Variants in PITPNC1 observed in about 807,000 individuals in gnomAD.
PITPNC1 encodes phosphatidylinositol transfer protein cytoplasmic 1, also known as cytoplasmic phosphatidylinositol transfer protein 1.
In PITPNC1, 18 loss-of-function variants were observed where a neutral mutation model predicts 44.7. That is an observed-to-expected ratio of 0.40 (90% CI 0.28 to 0.60). The LOEUF (loss-of-function observed/expected upper bound fraction) is 0.60, where lower values mean the gene tolerates loss of function less well. Among genes scored for constraint, PITPNC1 ranks in the 20% least tolerant of loss-of-function variants. PITPNC1 has a pLI of 0.39. For synonymous variants in PITPNC1, 141 were observed against 149.6 expected (o/e 0.94, Z 0.42); for missense variants, 290 against 418.4 (o/e 0.69, Z 2.68).
intron 1 of PITPNC1, among the ~76,000 whole-genome samples, chr17:67,447,089 C>CA (rs749024248): frequency 0.013 from 461 of 35,298 alleles, 75 homozygotes; most frequent in East Asian, 0.049. Context: ...GACTCTGTCT[C>CA]AAAAAAAAAA....
At chr17:67,443,505 AC>A (rs1381848685) in intron 1 of PITPNC1, among the ~76,000 whole-genome samples, 1 of 151,908 alleles carries the variant, frequency 6.6e-6, no homozygotes. Flanking sequence ...GAGGCGAGCA[AC>A]CGGGGCTTTT....
At chr17:67,425,193 G>GCGCGCGCGCGCACACACA (rs1160522771) in intron 1 of PITPNC1, among the ~76,000 whole-genome samples, 29 of 52,114 alleles carry the variant, frequency 5.6e-4, no homozygotes, top group East Asian at 2.8e-3. Context: ...TTGTGCGCGC[G>GCGCGCGCGCGCACACACA]CACGCACACG....
intron 1 of PITPNC1, among the ~76,000 whole-genome samples, chr17:67,433,888 C>T (rs1336847038): frequency 1.3e-5 from 2 of 151,800 alleles, no homozygotes; most frequent in Non-Finnish European, 2.9e-5. Flanking sequence ...GGTGACATAG[C>T]GAGACTCTGT....
chr17:67,521,620 A>G (rs1401474996), intron 1 of PITPNC1, among the ~76,000 whole-genome samples: 1 of 151,924 alleles, frequency 6.6e-6, no homozygotes, highest in Non-Finnish European at 1.5e-5. Context: ...AAATCTACAC[A>G]TTGAATCACA....
At chr17:67,495,505 A>C (rs1301023103) in intron 1 of PITPNC1, among the ~76,000 whole-genome samples, 1 of 152,072 alleles carries the variant, frequency 6.6e-6, no homozygotes, top group Non-Finnish European at 1.5e-5. Context: ...TAGCCAGTAG[A>C]TACGTTTTCT....
chr17:67,570,884 A>G (rs1424193853), intron 4 of PITPNC1, among the ~76,000 whole-genome samples: 1 of 151,802 alleles, frequency 6.6e-6, no homozygotes, highest in Non-Finnish European at 1.5e-5. Context: ...GACATCAGTT[A>G]CTAGTAAATA....
chr17:67,574,768 C>A (rs759753604), intron 4 of PITPNC1, among the ~76,000 whole-genome samples: 14 of 152,052 alleles, frequency 9.2e-5, no homozygotes, highest in Non-Finnish European at 2.1e-4. Flanking sequence ...ACTCTGAGAA[C>A]GAGTCATCAG....
At chr17:67,608,099 A>C (rs2041632948) in intron 5 of PITPNC1, among the ~76,000 whole-genome samples, 1 of 152,186 alleles carries the variant, frequency 6.6e-6, no homozygotes, top group South Asian at 2.1e-4. Context: ...ACCATCGTGC[A>C]GTGCTTAGGT....
intron 1 of PITPNC1, among the ~76,000 whole-genome samples, chr17:67,398,564 T>TG (rs1299310935): frequency 6.6e-6 from 1 of 152,148 alleles, no homozygotes; most frequent in Non-Finnish European, 1.5e-5. Flanking sequence ...CTGCAGGAGT[T>TG]GCAGTTTTTG....
intron 1 of PITPNC1, among the ~76,000 whole-genome samples, chr17:67,425,534 T>C (rs2038751971): frequency 6.6e-6 from 1 of 150,450 alleles, no homozygotes; most frequent in Non-Finnish European, 1.5e-5. Context: ...CTTTCTTTTT[T>C]TTTTAGAGAC....
At position 67,599,363 on chromosome 17, in the gene PITPNC1, C is replaced by A. The variant is rs531898171; in HGVS notation, c.366+21106C>A. 7.7e-4 allele frequency among the ~76,000 whole-genome samples: 117 copies of A among 151,986 alleles called. No individual in the cohort carries two copies. The Middle Eastern group carries it at 0.01, about 13-fold the overall frequency. On this transcript the variant is annotated intron_variant, in intron 5 of 8. Coordinates refer to ENST00000581322, the MANE Select transcript of PITPNC1 (RefSeq NM_012417.4). ...GACCTAGAGATACAGATTTGGAAGT[C>A]ATAAACGTAGTTTTGAAAGCATGAG...
intron 1 of PITPNC1, among the ~76,000 whole-genome samples, chr17:67,468,714 T>C (rs2039466916): frequency 6.7e-6 from 1 of 148,520 alleles, no homozygotes; most frequent in African/African-American, 2.5e-5. Flanking sequence ...CTTTTTTTTT[T>C]GAGACGGAGT....
At chr17:67,440,278 C>T (rs185194240) in intron 1 of PITPNC1, among the ~76,000 whole-genome samples, 37 of 152,204 alleles carry the variant, frequency 2.4e-4, no homozygotes, top group Admixed American at 8.5e-4. Context: ...CACTGGCAAA[C>T]GCAACCTCAC....
chr17:67,492,316 A>G (rs1725231267), intron 1 of PITPNC1, among the ~76,000 whole-genome samples: 1 of 152,238 alleles, frequency 6.6e-6, no homozygotes, highest in Non-Finnish European at 1.5e-5. Flanking sequence ...CCTAAATCCA[A>G]TGACAAGTGT....
At chr17:67,682,326 G>A (rs2042725230) in intron 8 of PITPNC1, among the ~76,000 whole-genome samples, 1 of 152,206 alleles carries the variant, frequency 6.6e-6, no homozygotes, top group Admixed American at 6.5e-5. Flanking sequence ...TTTACTAACA[G>A]GATTATCAAT....
At chr17:67,554,565 A>G (rs2040810871) in intron 4 of PITPNC1, among the ~76,000 whole-genome samples, 1 of 152,166 alleles carries the variant, frequency 6.6e-6, no homozygotes, top group African/African-American at 2.4e-5. Context: ...GCTAATAGTT[A>G]TGATTTTCTG....
chr17:67,464,613 C>T (rs180931625), intron 1 of PITPNC1, among the ~76,000 whole-genome samples: 1 of 152,154 alleles, frequency 6.6e-6, no homozygotes, highest in Non-Finnish European at 1.5e-5. Context: ...ATCTGAAATA[C>T]AGTGGACCAG....
intron 1 of PITPNC1, among the ~76,000 whole-genome samples, chr17:67,428,002 A>G (rs2038797399): frequency 6.6e-6 from 1 of 151,994 alleles, no homozygotes; most frequent in South Asian, 2.1e-4. Flanking sequence ...TATTTTTTAC[A>G]GATGGGGTTC....
chr17:67,673,966 CAAAAAAAAAAAAAA>C (rs34458518), intron 7 of PITPNC1, among the ~76,000 whole-genome samples: 1 of 84,884 alleles, frequency 1.2e-5, no homozygotes, highest in African/African-American at 4.5e-5. Flanking sequence ...GACTCCGTCT[CAAAAAAAAAAAAAA>C]AAAAAAAAAG....
Sources: gnomAD v4.1 joint callset for allele counts (sites outside exome capture counted in the v4.1 genomes callset) on GRCh38, gnomAD v4.1.1 for gene constraint, MANE v1.5 for transcripts, NCBI Gene and HGNC (gene_info 2026-07-23, HGNC 2026-07-21) for gene names.